REC114: variants seen among roughly 807,000 people sequenced by gnomAD.
The protein encoded by REC114 is REC114 meiotic recombination protein, also known as meiotic recombination protein REC114.
In REC114, 27 loss-of-function variants were observed where a neutral mutation model predicts 31.3. That is an observed-to-expected ratio of 0.86 (90% CI 0.64 to 1.19). The LOEUF is 1.19. Ranked by LOEUF, REC114 falls within the 50% of genes most tolerant of loss-of-function variation. REC114 has a pLI of 0.00. For missense variants in REC114, 344 were observed against 326.9 expected, an observed-to-expected ratio of 1.05 and a Z score of -0.40; for synonymous variants, 134 against 127.7, an observed-to-expected ratio of 1.05 and a Z score of -0.33.
chr15:73,444,641 G>A (rs927143561), intron 1 of REC114, among the ~76,000 whole-genome samples: 4 of 152,248 alleles, frequency 2.6e-5, no homozygotes, highest in Admixed American at 2.0e-4. Flanking sequence ...ATCCGTGAGG[G>A]TTGGAATCAA....
At chr15:73,477,513 C>T (rs1325478367) in intron 2 of REC114, among the ~76,000 whole-genome samples, 1 of 152,126 alleles carries the variant, frequency 6.6e-6, no homozygotes, top group Non-Finnish European at 1.5e-5. Context: ...ACCTCCCAGG[C>T]TCAAGTAGTC....
At chr15:73,484,459 C>G (rs958853482) in intron 2 of REC114, among the ~76,000 whole-genome samples, 5 of 152,222 alleles carry the variant, frequency 3.3e-5, no homozygotes, top group Non-Finnish European at 7.3e-5. Flanking sequence ...GGGCTGCCAT[C>G]TTTTCCTGGA....
At chr15:73,475,839 C>A (rs1567859903) in intron 2 of REC114, among the ~76,000 whole-genome samples, 1 of 152,192 alleles carries the variant, frequency 6.6e-6, no homozygotes, top group South Asian at 2.1e-4. Context: ...TAGGCCATCA[C>A]ATTCATTCAC....
intron 2 of REC114, among the ~76,000 whole-genome samples, chr15:73,524,846 G>A (rs377694275): frequency 1.1e-3 from 172 of 152,272 alleles, no homozygotes; most frequent in Non-Finnish European, 1.8e-3. Context: ...TGATCTGCCT[G>A]CCTCAGCCTC....
chr15:73,557,505 C>T (rs1894489054), intron 5 of REC114, among the ~76,000 whole-genome samples: 1 of 150,686 alleles, frequency 6.6e-6, no homozygotes, highest in Non-Finnish European at 1.5e-5. Context: ...GAATAAAAAA[C>T]TCAAGAGGTA....
chr15:73,559,525 GCAA>G (rs1429193445), intron 5 of REC114, among the ~76,000 whole-genome samples: 1 of 152,046 alleles, frequency 6.6e-6, no homozygotes, highest in Non-Finnish European at 1.5e-5. Flanking sequence ...TTTCCTTAGG[GCAA>G]CAAGATTATC....
At chr15:73,509,833 T>G (rs1333434758) in intron 2 of REC114, among the ~76,000 whole-genome samples, 3 of 152,270 alleles carry the variant, frequency 2.0e-5, no homozygotes, top group South Asian at 4.2e-4. Flanking sequence ...CATGCTGTTT[T>G]GGTTACTGTA....
intron 1 of REC114, among the ~76,000 whole-genome samples, chr15:73,459,958 AT>A (rs940571594): frequency 9.9e-5 from 15 of 151,638 alleles, no homozygotes; most frequent in African/African-American, 1.2e-4. Flanking sequence ...TGATATGGAA[AT>A]TTTTTTTTCT....
chr15:73,547,890 CA>C (rs1319062198), intron 3 of REC114, among the ~76,000 whole-genome samples: 16 of 152,174 alleles, frequency 1.1e-4, no homozygotes, highest in African/African-American at 3.6e-4. Flanking sequence ...ACAAAGATGC[CA>C]AAAGCAATTG....
chr15:73,482,327 C>A (rs1893306298), intron 2 of REC114, among the ~76,000 whole-genome samples: 1 of 152,134 alleles, frequency 6.6e-6, no homozygotes, highest in Non-Finnish European at 1.5e-5. Flanking sequence ...TGAGTTCATG[C>A]AAGATCTGGT....
Position 73,443,175 on chromosome 15 carries a change from T to TGAGGCAGGACATGGCG in REC114, c.-1_15dup, listed in dbSNP as rs1395645526. 6.4e-7 allele frequency: 1 copy of TGAGGCAGGACATGGCG among 1,552,530 alleles called. No homozygotes were observed. The highest frequency in any genetic ancestry group is 1.4e-5 in the African/African-American group (1 of 73,362). On this transcript the variant is annotated 5_prime_UTR_variant, in exon 1 of 6. In the 5' UTR this introduces an upstream ATG that the reference lacks. Transcript: ENST00000331090. ...AGGTCCCCGCCGGCAGTGCGTGTGGTGAGGCAGGACATGGCGGAGGCAGGA... is the reference window on the plus strand; with the variant it reads ...AGGTCCCCGCCGGCAGTGCGTGTGGTGAGGCAGGACATGGCGGAGGCAGGACATGGCGGAGGCAGGA...
chr15:73,505,481 T>G (rs1893663764), intron 2 of REC114, among the ~76,000 whole-genome samples: 1 of 152,178 alleles, frequency 6.6e-6, no homozygotes, highest in Non-Finnish European at 1.5e-5. Flanking sequence ...CCAATGCCCT[T>G]TCCCCTGTGT....
At chr15:73,477,967 G>C (rs1368891970) in intron 2 of REC114, among the ~76,000 whole-genome samples, 3 of 152,036 alleles carry the variant, frequency 2.0e-5, no homozygotes, top group Admixed American at 6.5e-5. Context: ...TGACAGTTAA[G>C]AATTTGGGTT....
chr15:73,550,823 T>C, intron 3 of REC114, 115 bp from the exon 4 acceptor site: 1 of 884,580 alleles, frequency 1.1e-6, no homozygotes, highest in South Asian at 1.6e-5. Context: ...AAGATGACTG[T>C]TCCCTTATCT....
chr15:73,504,196 G>A (rs1320643092), intron 2 of REC114, among the ~76,000 whole-genome samples: 1 of 151,544 alleles, frequency 6.6e-6, no homozygotes, highest in Non-Finnish European at 1.5e-5. Context: ...TAGTAGAGAC[G>A]GGGTTTCACC....
intron 2 of REC114, among the ~76,000 whole-genome samples, chr15:73,479,176 T>C (rs1302894680): frequency 6.6e-6 from 1 of 151,584 alleles, no homozygotes; most frequent in Non-Finnish European, 1.5e-5. Context: ...CACCATTAAA[T>C]ATAATGTTAG....
intron 2 of REC114, among the ~76,000 whole-genome samples, chr15:73,529,917 A>C (rs965645853): frequency 6.6e-6 from 1 of 152,240 alleles, no homozygotes; most frequent in Non-Finnish European, 1.5e-5. Flanking sequence ...CAAATATAAT[A>C]ACTTTTCATG....
chr15:73,540,400 A>G (rs1894221560), intron 2 of REC114, 85 bp from the exon 3 acceptor site: 1 of 985,028 alleles, frequency 1.0e-6, no homozygotes, highest in East Asian at 2.4e-5. Flanking sequence ...ACAAATATAC[A>G]ACTTTCTAAC....
At chr15:73,549,120 A>G (rs914054139) in intron 3 of REC114, among the ~76,000 whole-genome samples, 1 of 152,176 alleles carries the variant, frequency 6.6e-6, no homozygotes, top group African/African-American at 2.4e-5. Context: ...AACTCCCATG[A>G]CACAAGTTTA....
Sources: gnomAD v4.1 joint callset for allele counts (sites outside exome capture counted in the v4.1 genomes callset) on GRCh38, gnomAD v4.1.1 for gene constraint, MANE v1.5 for transcripts, NCBI Gene and HGNC (gene_info 2026-07-23, HGNC 2026-07-21) for gene names.